The following HTR4 variants were observed in gnomAD, a reference collection of about 807,000 sequenced individuals.
The protein encoded by HTR4 is 5-hydroxytryptamine receptor 4, also known as 5-hydroxytryptamine (serotonin) receptor 4, G protein-coupled.
In HTR4, 16 loss-of-function variants were observed where a neutral mutation model predicts 36.8. The ratio of observed to expected loss-of-function variants is 0.43; its 90% CI spans 0.29 to 0.66. HTR4 has a LOEUF of 0.66. Among genes scored for constraint, HTR4 ranks in the 30% least tolerant of loss-of-function variants. The pLI is 0.13. For synonymous variants in HTR4, 189 were observed against 185.1 expected (o/e 1.02, Z -0.17); for missense variants, 438 against 490.9 (o/e 0.89, Z 1.02).
At chr5:148,628,596 G>T (rs1056691354) in intron 2 of HTR4, 15 of 152,118 alleles carry the variant, frequency 9.9e-5, no homozygotes, top group African/African-American at 3.6e-4. Flanking sequence ...CAGTGATTCC[G>T]GAAGCAAAGA....
intron 5 of HTR4, among the ~76,000 whole-genome samples, chr5:148,460,149 T>C (rs1269597345): frequency 6.6e-6 from 1 of 150,692 alleles, no homozygotes; most frequent in Non-Finnish European, 1.5e-5. Context: ...CCAAGAACTA[T>C]GGGACAACTA....
rs1384991153 is a variant in HTR4, at chr5:148,457,746, CATTAAAATATATTTTGGTATATCATTAAA to C, written c.1077-6503_1077-6475del. Among the ~76,000 whole-genome samples the C allele has an allele frequency of 3.3e-3, 463 of 141,430 alleles. 5 individuals are homozygous for C. Among genetic ancestry groups the C allele is most frequent in the African/African-American group, 0.012 (446 of 38,518 alleles). The allele number at this position is 141,430 out of a possible 152,430, so 92.8% of individuals were successfully genotyped here. Reference sequence around the variant, plus strand: ...ATCATTAAAATATATTTTGGTATATCATTAAAATATATTTTGGTATATCATTAAAATATATTTTGACATATCATTAAAAT... The same window carrying C: ...ATCATTAAAATATATTTTGGTATATCATATATTTTGACATATCATTAAAAT... On this transcript the variant is annotated intron_variant, in intron 5 of 5. Transcript: ENST00000521530.
In HTR4 at chr5:148,483,244, C is replaced by T; in HGVS notation, c.1126G>A (p.Ala376Thr). The stretch of plus-strand genomic sequence containing the variant: ...TGAGCAGCCACCAAAGGAGAAGTTG[C>T]TGGCGGGTGACACTGACTCTCCCAC... ...GQWESQCHPP[A>T]TSPLVAAQPS... is the part of the protein sequence containing the mutation. The change falls in exon 7 of 7, where the codon GCA (alanine) becomes ACA (threonine). Residue 376 changes from alanine to threonine, a missense_variant. Transcript: ENST00000377888. The T allele has an allele frequency of 2.5e-6, 4 of 1,614,034 alleles. No individual in the cohort carries two copies. The highest frequency in any genetic ancestry group is 3.4e-6 in the Non-Finnish European group (4 of 1,179,952).
chr5:148,624,836 G>A (rs1753037063), intron 2 of HTR4, among the ~76,000 whole-genome samples: 1 of 152,056 alleles, frequency 6.6e-6, no homozygotes, highest in African/African-American at 2.4e-5. Flanking sequence ...TGCCTAAAGA[G>A]TTAAAAAATA....
chr5:148,571,901 T>C (rs1247008688), intron 2 of HTR4, among the ~76,000 whole-genome samples: 1 of 152,144 alleles, frequency 6.6e-6, no homozygotes, highest in Non-Finnish European at 1.5e-5. Flanking sequence ...AAAGCTGTAA[T>C]TTATTATCTC....
At chr5:148,465,428 G>C (rs779911862) in intron 5 of HTR4, among the ~76,000 whole-genome samples, 1 of 152,080 alleles carries the variant, frequency 6.6e-6, no homozygotes, top group Non-Finnish European at 1.5e-5. Flanking sequence ...TTTTTAAAAA[G>C]TACCTTATTT....
At chr5:148,546,339 A>G (rs1360334850) in intron 4 of HTR4, among the ~76,000 whole-genome samples, 1 of 152,228 alleles carries the variant, frequency 6.6e-6, no homozygotes, top group Admixed American at 6.5e-5. Flanking sequence ...CCTAAGTTTT[A>G]GAGACAAGAA....
chr5:148,473,028 G>A (rs755175163), downstream of HTR4, among the ~76,000 whole-genome samples: 4 of 152,146 alleles, frequency 2.6e-5, no homozygotes, highest in Non-Finnish European at 5.9e-5. Context: ...GGCTGGGCGC[G>A]GTGGCTTGTG....
At chr5:148,589,179 T>C (rs11747695) in intron 2 of HTR4, among the ~76,000 whole-genome samples, 3,083 of 152,302 alleles carry the variant, frequency 0.02, 61 homozygotes, top group South Asian at 0.089. Context: ...GTTCGAGTTT[T>C]TCTAGGTCAA....
intron 5 of HTR4, among the ~76,000 whole-genome samples, chr5:148,521,424 C>A (rs1458154166): frequency 1.3e-5 from 2 of 151,980 alleles, no homozygotes; most frequent in East Asian, 3.9e-4. Flanking sequence ...TAGGAGGGAA[C>A]TCATGCTGCC....
intron 2 of HTR4, among the ~76,000 whole-genome samples, chr5:148,562,170 T>C (rs1052560295): frequency 6.6e-6 from 1 of 152,250 alleles, no homozygotes; most frequent in Non-Finnish European, 1.5e-5. Context: ...CAATCATTTA[T>C]GTAGTTCCTC....
intron 1 of HTR4, among the ~76,000 whole-genome samples, chr5:148,651,416 G>T (rs150224772): frequency 2.6e-5 from 4 of 152,258 alleles, no homozygotes; most frequent in Non-Finnish European, 5.9e-5. Context: ...GCTGTACAAG[G>T]TTACAGGACT....
At chr5:148,584,647 T>C (rs1376997607) in intron 2 of HTR4, among the ~76,000 whole-genome samples, 2 of 152,140 alleles carry the variant, frequency 1.3e-5, no homozygotes, top group African/African-American at 4.8e-5. Flanking sequence ...CCAGTTTTGT[T>C]TGGGGGCACC....
chr5:148,541,386 T>A (rs1167529487), intron 4 of HTR4, among the ~76,000 whole-genome samples: 1 of 152,158 alleles, frequency 6.6e-6, no homozygotes, highest in Non-Finnish European at 1.5e-5. Context: ...CACGAATAGA[T>A]AAGATAAGGC....
intron 2 of HTR4, among the ~76,000 whole-genome samples, chr5:148,553,936 A>G (rs1489934085): frequency 2.0e-5 from 3 of 152,254 alleles, no homozygotes; most frequent in Non-Finnish European, 4.4e-5. Flanking sequence ...CCAACAGTCT[A>G]TAGCAGCATT....
chr5:148,598,798 G>A (rs546494448), intron 2 of HTR4, among the ~76,000 whole-genome samples: 62 of 152,142 alleles, frequency 4.1e-4, no homozygotes, highest in Admixed American at 6.6e-4. Flanking sequence ...CCTTCCTTCC[G>A]CTAACAAAAT....
At chr5:148,461,682 A>G (rs1755281693) in intron 5 of HTR4, among the ~76,000 whole-genome samples, 1 of 152,016 alleles carries the variant, frequency 6.6e-6, no homozygotes, top group African/African-American at 2.4e-5. Context: ...AGACTTCAAC[A>G]CTTCTCTATC....
At chr5:148,475,106 CAAT>C (rs546099729), downstream of HTR4, among the ~76,000 whole-genome samples, 77 of 152,024 alleles carry the variant, frequency 5.1e-4, no homozygotes, top group African/African-American at 1.8e-3. Flanking sequence ...GCATTATATA[CAAT>C]AATAATAAAA....
rs2127323002 is a variant in HTR4 at position 148,653,960 on chromosome 5, C to T, written c.-48+102G>A. ...AGCCGGGTGTCCTGAGTCCAGAACC[C>T]CCAAGCCCCCGACCCCGTCGTGCTG... On this transcript the variant is annotated intron_variant, in intron 1 of 6. Coordinates refer to ENST00000377888, the MANE Select transcript of HTR4 (RefSeq NM_000870.7). 6.4e-6 allele frequency: 5 copies of T among 776,126 alleles called. No individual in the cohort carries two copies. In the South Asian group the frequency reaches 1.7e-4, roughly 27 times the overall value. 48.1% of individuals were successfully genotyped at this position (776,126 alleles called of 1,614,324 possible).
Sources: gnomAD v4.1 joint callset for allele counts (sites outside exome capture counted in the v4.1 genomes callset) on GRCh38, gnomAD v4.1.1 for gene constraint, MANE v1.5 for transcripts, NCBI Gene and HGNC (gene_info 2026-07-23, HGNC 2026-07-21) for gene names.